The following C10orf143 variants were observed in gnomAD, a reference collection of about 807,000 sequenced individuals.
C10orf143 encodes the protein chromosome 10 open reading frame 143.
chr10:130,107,843 G>GACC, intron 1 of C10orf143: 1 of 1,250,286 alleles, frequency 8.0e-7, no homozygotes, highest in Non-Finnish European at 1.2e-6. Flanking sequence ...GAGGGAACAG[G>GACC]ACCGTAGGAT....
intron 1 of C10orf143, among the ~76,000 whole-genome samples, chr10:130,083,543 G>A (rs976621398): frequency 5.9e-5 from 9 of 152,180 alleles, no homozygotes; most frequent in African/African-American, 1.7e-4. Context: ...TCCAAGCAAC[G>A]AAGTACTAGG....
At chr10:130,110,451 T>C (rs1212816860) in intron 1 of C10orf143, among the ~76,000 whole-genome samples, 1 of 152,176 alleles carries the variant, frequency 6.6e-6, no homozygotes, top group East Asian at 1.9e-4. Flanking sequence ...AGTGAGCGTG[T>C]GGGTCAGGAA....
intron 3 of C10orf143, among the ~76,000 whole-genome samples, chr10:130,044,711 C>A (rs1331682919): frequency 6.6e-6 from 1 of 152,160 alleles, no homozygotes; most frequent in Non-Finnish European, 1.5e-5. Context: ...GAAGGGAAAT[C>A]ATGAACCAGA....
intron 1 of C10orf143, 24 bp from the exon 2 acceptor site, chr10:130,079,925 T>A: frequency 2.5e-6 from 1 of 398,650 alleles, no homozygotes; most frequent in Non-Finnish European, 4.4e-6. Flanking sequence ...AATTTTACTT[T>A]AGATGGTCTC....
chr10:130,061,212 A>G (rs1418428685), downstream of C10orf143, among the ~76,000 whole-genome samples: 1 of 152,178 alleles, frequency 6.6e-6, no homozygotes, highest in African/African-American at 2.4e-5. Context: ...TTTTGAAAGG[A>G]CGCACATCAA....
chr10:130,067,588 T>C (rs1333778180), intron 3 of C10orf143: 3 of 152,178 alleles, frequency 2.0e-5, no homozygotes, highest in Non-Finnish European at 2.9e-5. Context: ...GAGGAGTCAT[T>C]TTTTCTTCCT....
At chr10:130,108,490 G>C (rs1480959084) in intron 1 of C10orf143, 5 of 733,598 alleles carry the variant, frequency 6.8e-6, no homozygotes, top group South Asian at 5.8e-5. Flanking sequence ...AATTCTGACT[G>C]ATCTCATTTC....
chr10:130,045,931 A>T (rs1860664757), intron 3 of C10orf143, among the ~76,000 whole-genome samples: 1 of 152,036 alleles, frequency 6.6e-6, no homozygotes. Flanking sequence ...CCACCTTCCG[A>T]GTACGCGACC....
chr10:130,075,174 A>C (rs755312135), intron 3 of C10orf143, among the ~76,000 whole-genome samples: 1 of 152,198 alleles, frequency 6.6e-6, no homozygotes, highest in Non-Finnish European at 1.5e-5. Flanking sequence ...TGGCACCAGG[A>C]AACACCATGT....
At chr10:130,091,764 A>G (rs561881158) in intron 1 of C10orf143, among the ~76,000 whole-genome samples, 2 of 152,352 alleles carry the variant, frequency 1.3e-5, no homozygotes, top group South Asian at 4.1e-4. Flanking sequence ...GAACTTCATG[A>G]AGCATACACA....
chr10:130,047,750 A>T (rs770817418), intron 3 of C10orf143, among the ~76,000 whole-genome samples: 2 of 151,982 alleles, frequency 1.3e-5, no homozygotes, highest in Admixed American at 6.5e-5. Context: ...CTATTTTAAC[A>T]TGGTGGCCTT....
intron 1 of C10orf143, among the ~76,000 whole-genome samples, chr10:130,102,526 G>A (rs139380681): frequency 0.038 from 5,724 of 152,026 alleles, 290 homozygotes; most frequent in African/African-American, 0.11. Context: ...CGCCCACCTC[G>A]GCCTCCCAAA....
intron 3 of C10orf143, among the ~76,000 whole-genome samples, chr10:130,043,443 G>A (rs1383427606): frequency 2.0e-5 from 3 of 152,124 alleles, no homozygotes; most frequent in African/African-American, 4.8e-5. Context: ...TTACCAAGAC[G>A]GGCAGGTGGG....
Position 130,105,322 on chromosome 10 carries a change from G to A in C10orf143, c.69+5382C>T, listed in dbSNP as rs144150993. Among the ~76,000 whole-genome samples the A allele has an allele frequency of 3.0e-3, 463 of 152,360 alleles. 1 individual carries two copies. Among genetic ancestry groups the A allele is most frequent in the African/African-American group, 0.01 (434 of 41,586 alleles). On this transcript the variant is annotated intron_variant, in intron 1 of 3. Coordinates refer to ENST00000637128, the MANE Select transcript of C10orf143 (RefSeq NM_001355042.2). ...CTGGAGCCAGATGGCTTGGATTTAA[G>A]ACCTAGTTCTACCATTTACTAGCTG... is the stretch of plus-strand genomic sequence containing the variant.
At chr10:130,085,717 C>T (rs1284402623) in intron 1 of C10orf143, among the ~76,000 whole-genome samples, 2 of 152,086 alleles carry the variant, frequency 1.3e-5, no homozygotes, top group Non-Finnish European at 2.9e-5. Context: ...TGTATATGAA[C>T]TCTATACTAT....
At chr10:130,060,486 T>C (rs896680451), downstream of C10orf143, among the ~76,000 whole-genome samples, 1 of 152,176 alleles carries the variant, frequency 6.6e-6, no homozygotes, top group Admixed American at 6.5e-5. Flanking sequence ...GGTAATCTAA[T>C]ATATATTAAT....
rs903004400 is a variant in C10orf143, at chr10:130,086,214, G to A, written c.70-6313C>T. Among the ~76,000 whole-genome samples, 6 of 152,142 alleles carry A rather than the reference G, an allele frequency of 3.9e-5. No homozygotes were observed. The East Asian group carries it at 1.2e-3, about 29-fold the overall frequency. On this transcript the variant is annotated intron_variant, in intron 1 of 3. Coordinates refer to ENST00000637128, the MANE Select transcript of C10orf143 (RefSeq NM_001355042.2). Reference sequence around the variant, plus strand: ...AGCCCCAGCAACCACATCACACACAGGTCCATGCGAGCTCACCTCCCCTGC... The same window carrying A: ...AGCCCCAGCAACCACATCACACACAAGTCCATGCGAGCTCACCTCCCCTGC...
chr10:130,065,394 A>T lies in C10orf143; in HGVS notation c.298-1011T>A, dbSNP rs1442802745. 1 of 152,288 alleles carries T rather than the reference A, an allele frequency of 6.6e-6. No homozygotes were observed. Among genetic ancestry groups the T allele is most frequent in the Non-Finnish European group, 1.5e-5 (1 of 68,128 alleles). 9.4% of individuals were successfully genotyped at this position (152,288 alleles called of 1,614,324 possible). ...AGGAATCTCGGGTGGGCCACGAAGG[A>T]GCAAGAGAATCTTTGGAGGTGGGAA... On this transcript the variant is annotated intron_variant, in intron 3 of 3. Coordinates refer to ENST00000637128, the MANE Select transcript of C10orf143 (RefSeq NM_001355042.2). This position sits in a 1 kb window ranked among gnomAD's most constrained non-coding sequence, Gnocchi z 4.2.
intron 3 of C10orf143, among the ~76,000 whole-genome samples, chr10:130,049,458 G>C (rs1035577924): frequency 9.3e-4 from 142 of 152,178 alleles, no homozygotes; most frequent in Non-Finnish European, 2.1e-4. Flanking sequence ...CATGGTGTGC[G>C]GCAGACCGGG....
Sources: allele counts gnomAD v4.1 joint callset (sites outside exome capture counted in the v4.1 genomes callset), GRCh38; gene constraint gnomAD v4.1.1; non-coding constraint Gnocchi (gnomAD v3.1); transcripts MANE v1.5; gene names NCBI Gene and HGNC (gene_info 2026-07-23, HGNC 2026-07-21).